The following TNRC6C variants were observed in gnomAD, a reference collection of about 807,000 sequenced individuals.
TNRC6C encodes trinucleotide repeat containing adaptor 6C.
A neutral mutation model predicts 153.7 loss-of-function variants in TNRC6C; 20 were observed. That is an observed-to-expected ratio of 0.13 (90% CI 0.09 to 0.19). The LOEUF (loss-of-function observed/expected upper bound fraction) is 0.19, where lower values mean the gene tolerates loss of function less well. Ranked by LOEUF, TNRC6C falls within the 10% of genes least tolerant of loss-of-function variation. TNRC6C has a pLI of 1.00. For synonymous variants in TNRC6C, 811 were observed against 841.4 expected (o/e 0.96, Z 0.63); for missense variants, 1,987 against 2,172.0 (o/e 0.91, Z 1.69).
chr17:77,978,087 C>T (rs930081890), intron 1 of TNRC6C, among the ~76,000 whole-genome samples: 4 of 151,694 alleles, frequency 2.6e-5, no homozygotes, highest in South Asian at 2.1e-4. Context: ...TTAGTAGGCA[C>T]GGGGTTTCAC....
chr17:78,092,829 A>G (rs1018322474), intron 14 of TNRC6C, 104 bp from the exon 17 acceptor site: 1 of 910,974 alleles, frequency 1.1e-6, no homozygotes, highest in South Asian at 1.7e-5. Flanking sequence ...AGGGCAAGGC[A>G]TTGGACCTAG....
intron 13 of TNRC6C, among the ~76,000 whole-genome samples, chr17:78,089,652 C>T (rs1231989394): frequency 6.6e-6 from 1 of 151,932 alleles, no homozygotes; most frequent in East Asian, 1.9e-4. Flanking sequence ...GAAGAGCAGG[C>T]ATATAAATGG....
At chr17:77,972,519 A>C (rs1347776027) in intron 1 of TNRC6C, among the ~76,000 whole-genome samples, 1 of 152,108 alleles carries the variant, frequency 6.6e-6, no homozygotes, top group Non-Finnish European at 1.5e-5. Flanking sequence ...CTTAAAAAAA[A>C]AAAAAAAGAA....
chr17:77,961,856 A>G (rs2070865497), intron 1 of TNRC6C, among the ~76,000 whole-genome samples: 1 of 152,224 alleles, frequency 6.6e-6, no homozygotes, highest in Non-Finnish European at 1.5e-5. Flanking sequence ...CATCACCGCT[A>G]CCGCCACCTT....
chr17:77,992,461 G>A lies in TNRC6C; in HGVS notation c.-37-11709G>A, dbSNP rs1299401457. On this transcript the variant is annotated intron_variant, in intron 1 of 22. Transcript: ENST00000636222. ...TGCAGTGAGTCGAGATCGCGCCACTGCACTCCAGCCTGGGCGACAGAGCGA... is the reference window on the plus strand; with the variant it reads ...TGCAGTGAGTCGAGATCGCGCCACTACACTCCAGCCTGGGCGACAGAGCGA... Among the ~76,000 whole-genome samples the A allele has an allele frequency of 6.3e-5, 3 of 47,352 alleles. 1 individual carries two copies. The highest frequency in any genetic ancestry group is 1.0e-4 in the Non-Finnish European group (3 of 29,116). The allele number at this position is 47,352 out of a possible 152,430, so 31.1% of individuals were successfully genotyped here. A position where few individuals can be genotyped will look rare whatever the true frequency, so the allele number is the denominator to read the frequency against.
In TNRC6C at chr17:78,047,207, T is replaced by A. The variant is rs562575385; in HGVS notation, c.-218-1638T>A. ...TGTGTGTTAACTTGGTCTTATTTTC[T>A]GTGTTAAATGAGGAATGGCTTATTT... On this transcript the variant is annotated intron_variant, in intron 2 of 19. Transcript: ENST00000301624. 2.6e-5 allele frequency among the ~76,000 whole-genome samples: 4 copies of A among 152,350 alleles called. No homozygotes were observed. The South Asian group carries it at 8.3e-4, about 32-fold the overall frequency.
chr17:77,970,584 A>G (rs2070932804), intron 1 of TNRC6C, among the ~76,000 whole-genome samples: 1 of 152,144 alleles, frequency 6.6e-6, no homozygotes, highest in Admixed American at 6.5e-5. Flanking sequence ...AGCTTGCCCA[A>G]CCTGCAGCCC....
intron 10 of TNRC6C, 49 bp from the exon 13 acceptor site, chr17:78,082,998 C>T: frequency 1.9e-6 from 3 of 1,598,172 alleles, no homozygotes; most frequent in East Asian, 2.2e-5. Context: ...GTACAAGTAA[C>T]TATTTTAACA....
chr17:77,962,892 A>G (rs1023302012), intron 1 of TNRC6C, among the ~76,000 whole-genome samples: 1 of 152,250 alleles, frequency 6.6e-6, no homozygotes, highest in Non-Finnish European at 1.5e-5. Flanking sequence ...TACTTTAGAT[A>G]GTTAACATCT....
At chr17:78,045,344 C>G (rs1207112999) in intron 2 of TNRC6C, among the ~76,000 whole-genome samples, 2 of 152,096 alleles carry the variant, frequency 1.3e-5, no homozygotes, top group Admixed American at 6.5e-5. Context: ...ATATGGCCAT[C>G]CTTAGGGCAC....
chr17:78,018,370 C>A (rs751854569), intron 1 of TNRC6C, among the ~76,000 whole-genome samples: 1 of 152,160 alleles, frequency 6.6e-6, no homozygotes, highest in African/African-American at 2.4e-5. Context: ...CCTCGTGATC[C>A]GCCCCGCCTC....
chr17:78,054,478 G>A (rs563437273), intron 3 of TNRC6C, among the ~76,000 whole-genome samples: 69 of 142,756 alleles, frequency 4.8e-4, no homozygotes, highest in Non-Finnish European at 6.6e-4. Flanking sequence ...ACTACTGCAC[G>A]CCACTGCAGA....
Position 78,102,558 on chromosome 17 carries a change from C to G in TNRC6C, c.4572+14C>G, listed in dbSNP as rs760869039. ...CTCACTCCCCAGGTGCAATATGGTG[C>G]CCCTGCATCACTGAGCATGATCCAG... is the stretch of plus-strand genomic sequence containing the variant. On this transcript the variant is annotated intron_variant, in intron 18 of 19. Transcript: ENST00000301624. 6.3e-7 allele frequency: 1 copy of G among 1,592,222 alleles called. No homozygotes were observed. The highest frequency in any genetic ancestry group is 1.8e-5 in the Admixed American group (1 of 57,006).
chr17:77,984,462 G>A (rs527912139), intron 1 of TNRC6C, among the ~76,000 whole-genome samples: 1 of 152,158 alleles, frequency 6.6e-6, no homozygotes, highest in African/African-American at 2.4e-5. Context: ...AGGCTGCAGT[G>A]AGCTGTGGTT....
intron 9 of TNRC6C, chr17:78,077,780 G>A (rs754332371): frequency 5.6e-6 from 1 of 177,366 alleles, no homozygotes; most frequent in Non-Finnish European, 1.2e-5. Flanking sequence ...TTGCAAGGTG[G>A]TTCTCAGGAG....
At chr17:77,999,513 G>A (rs149332457), upstream of TNRC6C, among the ~76,000 whole-genome samples, 39 of 152,332 alleles carry the variant, frequency 2.6e-4, no homozygotes, top group African/African-American at 9.4e-4. Context: ...ATTGGCAGGA[G>A]AGAGGCTGTA....
chr17:78,038,678 CAAAAAAAAAAA>C (rs751760738), intron 2 of TNRC6C, among the ~76,000 whole-genome samples: 1 of 61,244 alleles, frequency 1.6e-5, no homozygotes, highest in Non-Finnish European at 3.7e-5. Context: ...GACTCCGTGT[CAAAAAAAAAAA>C]AAAAAAAAAG....
chr17:77,975,685 A>ATTT (rs1480638445), intron 1 of TNRC6C, among the ~76,000 whole-genome samples: 24 of 152,160 alleles, frequency 1.6e-4, no homozygotes, highest in African/African-American at 5.3e-4. Flanking sequence ...TGTAAGAGTA[A>ATTT]AGGTTCAACA....
intron 3 of TNRC6C, among the ~76,000 whole-genome samples, chr17:78,063,968 T>C (rs749747489): frequency 6.6e-6 from 1 of 152,210 alleles, no homozygotes; most frequent in Non-Finnish European, 1.5e-5. Context: ...ATGCTGACAA[T>C]TGAATAGGCT....
Sources: gnomAD v4.1 joint callset for allele counts (sites outside exome capture counted in the v4.1 genomes callset) on GRCh38, gnomAD v4.1.1 for gene constraint, MANE v1.5 for transcripts, NCBI Gene and HGNC (gene_info 2026-07-23, HGNC 2026-07-21) for gene names.